The following MTTP variants were observed in gnomAD, a reference collection of about 807,000 sequenced individuals.
MTTP encodes the protein microsomal triglyceride transfer protein large subunit.
In MTTP, 49 loss-of-function variants were observed where a neutral mutation model predicts 90.6. That is an observed-to-expected ratio of 0.54 (90% CI 0.43 to 0.69). The LOEUF is 0.69. Ranked by LOEUF, MTTP falls within the 30% of genes least tolerant of loss-of-function variation. MTTP has a pLI of 0.00. For synonymous variants in MTTP, 347 were observed against 384.2 expected (o/e 0.90, Z 1.13); for missense variants, 945 against 1,067.5 (o/e 0.89, Z 1.60).
intron 10 of MTTP, among the ~76,000 whole-genome samples, chr4:99,605,636 A>G (rs1321640052): frequency 6.6e-6 from 1 of 152,186 alleles, no homozygotes; most frequent in Non-Finnish European, 1.5e-5. Context: ...ATTATCTTCC[A>G]TAGGAATTGT....
At chr4:99,615,891 A>G (rs1199787805) in intron 15 of MTTP, among the ~76,000 whole-genome samples, 1 of 152,268 alleles carries the variant, frequency 6.6e-6, no homozygotes, top group Non-Finnish European at 1.5e-5. Context: ...AAGAGGTCAC[A>G]TTAGCTACAA....
chr4:99,570,716 C>T, upstream of MTTP: 1 of 455,780 alleles, frequency 2.2e-6, no homozygotes, highest in Non-Finnish European at 4.4e-6. Context: ...CCAGTATAAT[C>T]ACAAGGATTC....
intron 1 of MTTP, among the ~76,000 whole-genome samples, chr4:99,579,002 A>G (rs533601850): frequency 2.5e-4 from 38 of 152,294 alleles, no homozygotes; most frequent in African/African-American, 6.5e-4. Context: ...AGAGTCCCCA[A>G]TTACAATGCA....
At chr4:99,580,894 T>C (rs957296410) in intron 1 of MTTP, among the ~76,000 whole-genome samples, 2 of 152,196 alleles carry the variant, frequency 1.3e-5, no homozygotes, top group African/African-American at 4.8e-5. Flanking sequence ...CTATCACCTT[T>C]CTCAGCTGCT....
At chr4:99,618,882 C>G in intron 15 of MTTP, 92 bp from the exon 16 acceptor site, 3 of 1,509,228 alleles carry the variant, frequency 2.0e-6, no homozygotes, top group Non-Finnish European at 2.7e-6. Context: ...ATGGAATTAT[C>G]TACAGCAGGA....
intron 1 of MTTP, among the ~76,000 whole-genome samples, chr4:99,580,494 G>A (rs1725076846): frequency 6.9e-6 from 1 of 144,220 alleles, no homozygotes; most frequent in Non-Finnish European, 1.5e-5. Flanking sequence ...AGAATTGCTT[G>A]AGCCTGGGAG....
At chr4:99,596,683 TC>T (rs1725560976) in intron 7 of MTTP, among the ~76,000 whole-genome samples, 1 of 152,188 alleles carries the variant, frequency 6.6e-6, no homozygotes, top group African/African-American at 2.4e-5. Flanking sequence ...CATTATTTTA[TC>T]TCTGAAATAT....
At position 99,600,693 on chromosome 4, in the gene MTTP, T is replaced by C; in HGVS notation, c.1196T>C (p.Phe399Ser). 6.2e-7 allele frequency: 1 copy of C among 1,613,836 alleles called. No individual in the cohort carries two copies. The highest frequency in any genetic ancestry group is 8.5e-7 in the Non-Finnish European group (1 of 1,179,820). ...LQERFLYACG[F>S]ASHPNEELLR... Reference sequence around the variant, plus strand: ...GAGAGGTTTCTCTATGCCTGTGGATTTGCTTCTCATCCCAATGAAGAACTC... The same window carrying C: ...GAGAGGTTTCTCTATGCCTGTGGATCTGCTTCTCATCCCAATGAAGAACTC... The change falls in exon 9 of 18, where the codon TTT becomes TCT. Residue 399 changes from phenylalanine (F) to serine (S), a missense_variant. Transcript: ENST00000265517.
chr4:99,575,024 G>A, intron 1 of MTTP, 54 bp downstream of exon 1: 2 of 1,569,618 alleles, frequency 1.3e-6, no homozygotes, highest in Non-Finnish European at 1.8e-6. Context: ...GGAGTTGGAG[G>A]CAGATACGTG....
rs142706742 is a variant in MTTP, at chr4:99,606,967, T to A, written c.1557+7T>A. The A allele has an allele frequency of 1.9e-3, 3,130 of 1,608,526 alleles. 27 individuals carry two copies. The highest frequency in any genetic ancestry group is 9.8e-4 in the Non-Finnish European group (1,154 of 1,176,910). On this transcript the variant is annotated splice_region_variant and intron_variant, in intron 11 of 17. Transcript: ENST00000265517. ...CCCTTTCATAACTGATGAGGTAAAA[T>A]CTCCAAGAATATTTGCAACATTTAC...
chr4:99,564,409 G>A lies in MTTP; in HGVS notation c.-102+172G>A, dbSNP rs920892327. The A allele has an allele frequency of 4.8e-6, 3 of 620,512 alleles. No homozygotes were observed. The South Asian group carries it at 8.8e-5, about 18-fold the overall frequency. The allele number at this position is 620,512 out of a possible 1,614,324, so 38.4% of individuals were successfully genotyped here. A position where few individuals can be genotyped will look rare whatever the true frequency, so the allele number is the denominator to read the frequency against. ...CACATGATTTTACATAACTCAAGTG[G>A]AAAATTAAATTCAAAAAGTGAGTCA... is the stretch of plus-strand genomic sequence containing the variant. On this transcript the variant is annotated intron_variant, in intron 1 of 18. Transcript: ENST00000457717.
Position 99,591,277 on chromosome 4 carries a change from CA to C in MTTP, c.546del (p.Asp183ThrfsTer3). On this transcript the variant is annotated frameshift_variant, in exon 5 of 18. Coordinates refer to ENST00000265517, the MANE Select transcript of MTTP (RefSeq NM_001386140.1). LOFTEE classifies it high-confidence loss of function. ...TTGTAAAGTGACCTACCAGGCTCAT[CA>C]AGACAAAGTGATCAAAATTAAGGCC... ...GNCKVTYQAH[Q>X]DKVIKIKALD... 1 of 1,613,922 alleles carries C rather than the reference CA, an allele frequency of 6.2e-7. No individual in the cohort carries two copies. The highest frequency in any genetic ancestry group is 8.5e-7 in the Non-Finnish European group (1 of 1,179,890).
At chr4:99,600,867 G>A (rs182814625) in intron 9 of MTTP, 134 bp downstream of exon 9, 28 of 865,130 alleles carry the variant, frequency 3.2e-5, no homozygotes, top group Middle Eastern at 7.0e-4. Context: ...TCAAATTGGG[G>A]TATTTTCTAT....
chr4:99,583,422 A>G lies in MTTP; in HGVS notation c.298A>G (p.Ser100Gly). The part of the protein sequence containing the change: ...ENVNQQRGEK[S>G]IFKGKSPSKI... ...TGTGAATCAGCAGAGAGGAGAGAAGAGCATCTTCAAAGGAAAAAGCCCATC... is the reference window on the plus strand; with the variant it reads ...TGTGAATCAGCAGAGAGGAGAGAAGGGCATCTTCAAAGGAAAAAGCCCATC... The change falls in exon 3 of 18, where the codon AGC becomes GGC. Residue 100 changes from serine (S) to glycine (G), a missense_variant. By Grantham distance (56) the Ser-to-Gly change is moderately conservative. Transcript: ENST00000265517. The G allele has an allele frequency of 6.2e-7, 1 of 1,613,510 alleles. No individual in the cohort carries two copies. The highest frequency in any genetic ancestry group is 8.5e-7 in the Non-Finnish European group (1 of 1,179,762).
At chr4:99,595,743 C>T (rs1330020685) in intron 7 of MTTP, 1 of 148,520 alleles carries the variant, frequency 6.7e-6, no homozygotes, top group Non-Finnish European at 1.5e-5. Flanking sequence ...AACATTGTTT[C>T]TTCTTTTACC....
intron 2 of MTTP, 107 bp downstream of exon 2, chr4:99,582,199 G>T: frequency 8.6e-7 from 1 of 1,168,750 alleles, no homozygotes; most frequent in Non-Finnish European, 1.3e-6. Context: ...AATCCATTTA[G>T]TTTCTTATCT....
At chr4:99,619,384 C>T (rs1314313516) in intron 16 of MTTP, among the ~76,000 whole-genome samples, 2 of 152,008 alleles carry the variant, frequency 1.3e-5, no homozygotes, top group African/African-American at 4.8e-5. Flanking sequence ...TTTTGGTATT[C>T]CACCAAGAGA....
At chr4:99,611,060 T>C (rs931841624) in intron 12 of MTTP, 83 bp from the exon 13 acceptor site, 1 of 1,483,030 alleles carries the variant, frequency 6.7e-7, no homozygotes, top group African/African-American at 1.4e-5. Flanking sequence ...TTTTTTCCAC[T>C]GAGGATTTTT....
At chr4:99,601,296 T>TA (rs768537943) in intron 9 of MTTP, among the ~76,000 whole-genome samples, 3,661 of 150,326 alleles carry the variant, frequency 0.024, 88 homozygotes, top group Non-Finnish European at 0.033. Flanking sequence ...TACTCATACA[T>TA]AAAATTTTAT....
Sources: allele counts gnomAD v4.1 joint callset (sites outside exome capture counted in the v4.1 genomes callset), GRCh38; gene constraint gnomAD v4.1.1; transcripts MANE v1.5; gene names NCBI Gene and HGNC (gene_info 2026-07-23, HGNC 2026-07-21).